BCL2L11: variants seen among roughly 807,000 people sequenced by gnomAD.
BCL2L11 encodes the protein BCL2 like 11.
A neutral mutation model predicts 20.6 loss-of-function variants in BCL2L11; 15 were observed. That is an observed-to-expected ratio of 0.73 (90% CI 0.49 to 1.12). BCL2L11 has a LOEUF of 1.12. Ranked by LOEUF, BCL2L11 falls within the 50% of genes most tolerant of loss-of-function variation. The pLI, the probability that BCL2L11 is intolerant of heterozygous loss-of-function variation, is 0.00. For synonymous variants in BCL2L11, 108 were observed against 92.8 expected (o/e 1.16, Z -0.94); for missense variants, 292 against 260.9 (o/e 1.12, Z -0.82).
At chr2:111,130,351 G>T in intron 2 of BCL2L11, 1 of 228,888 alleles carries the variant, frequency 4.4e-6, no homozygotes, top group Non-Finnish European at 9.0e-6. Context: ...TGATCTGCCC[G>T]CCTTGGCCTC....
At chr2:111,148,014 T>TAA (rs2076787087) in intron 2 of BCL2L11, among the ~76,000 whole-genome samples, 2 of 152,350 alleles carry the variant, frequency 1.3e-5, no homozygotes, top group African/African-American at 4.8e-5. Flanking sequence ...ATATCATTGA[T>TAA]GTATTAAGTA....
chr2:111,123,765 A>G lies in BCL2L11; in HGVS notation c.20A>G (p.Asp7Gly). MAKQPS[D>G]VSSECDREGR... is the part of the protein sequence containing the mutation. The stretch of plus-strand genomic sequence containing the variant: ...GACCAAATGGCAAAGCAACCTTCTG[A>G]TGTAAGTTCTGAGTGTGACCGAGAA... Residue 7 changes from aspartate (D) to glycine (G), a missense_variant, in exon 2 of 4, where the codon GAT (aspartate) becomes GGT (glycine). Transcript: ENST00000393256. The G allele has an allele frequency of 7.2e-7, 1 of 1,393,812 alleles. No homozygotes were observed. Among genetic ancestry groups the G allele is most frequent in the Non-Finnish European group, 9.4e-7 (1 of 1,066,838 alleles). 86.3% of individuals were successfully genotyped at this position (1,393,812 alleles called of 1,614,324 possible).
chr2:111,154,027 A>G, intron 3 of BCL2L11: 6 of 1,111,844 alleles, frequency 5.4e-6, no homozygotes, highest in Non-Finnish European at 5.8e-6. Flanking sequence ...ACTCCAGTGG[A>G]TTTTGGTAAC....
chr2:111,127,567 C>T (rs1225542128), intron 2 of BCL2L11, among the ~76,000 whole-genome samples: 1 of 151,966 alleles, frequency 6.6e-6, no homozygotes, highest in Non-Finnish European at 1.5e-5. Flanking sequence ...AGGAGAAGCC[C>T]AGGAGATGTT....
chr2:111,131,978 A>C (rs2074040384), intron 2 of BCL2L11: 1 of 152,182 alleles, frequency 6.6e-6, no homozygotes, highest in Non-Finnish European at 1.5e-5. Flanking sequence ...CATTCGCAAA[A>C]CCAGGGTTAA....
chr2:111,150,684 C>T (rs1375479552), intron 3 of BCL2L11, among the ~76,000 whole-genome samples: 1 of 152,154 alleles, frequency 6.6e-6, no homozygotes, highest in Admixed American at 6.5e-5. Flanking sequence ...ATTAGGAGGC[C>T]GCTAATCAAT....
At chr2:111,155,537 C>T (rs767576919) in intron 3 of BCL2L11, among the ~76,000 whole-genome samples, 3 of 152,146 alleles carry the variant, frequency 2.0e-5, no homozygotes, top group Admixed American at 6.6e-5. Context: ...AATAACTGGA[C>T]CCATTCTGCA....
intron 2 of BCL2L11, among the ~76,000 whole-genome samples, chr2:111,139,593 A>G (rs532448530): frequency 1.2e-4 from 18 of 152,348 alleles, no homozygotes; most frequent in Admixed American, 4.6e-4. Context: ...GGCCATTGAT[A>G]ATCAAAATTT....
At chr2:111,131,831 A>T (rs1161265961) in intron 2 of BCL2L11, 3 of 152,198 alleles carry the variant, frequency 2.0e-5, no homozygotes, top group Non-Finnish European at 2.9e-5. Context: ...AAGTGTATAT[A>T]TGCTTCAGAA....
intron 2 of BCL2L11, among the ~76,000 whole-genome samples, chr2:111,146,980 CT>C (rs975881914): frequency 3.9e-5 from 6 of 152,146 alleles, no homozygotes; most frequent in Admixed American, 3.9e-4. Flanking sequence ...AAAAAACAAA[CT>C]GGTTTTTAAA....
intron 2 of BCL2L11, among the ~76,000 whole-genome samples, chr2:111,143,067 GTCT>G (rs2150420305): frequency 6.6e-6 from 1 of 152,258 alleles, no homozygotes; most frequent in South Asian, 2.1e-4. Context: ...TTCAGGGTTG[GTCT>G]TCTTTTAGCT....
At chr2:111,129,444 A>T (rs1389257832) in intron 2 of BCL2L11, among the ~76,000 whole-genome samples, 2 of 152,118 alleles carry the variant, frequency 1.3e-5, no homozygotes, top group African/African-American at 2.4e-5. Flanking sequence ...TCTTAAAAAA[A>T]TTTTTTTTCA....
chr2:111,168,217 C>T lies in BCL2L11; in HGVS notation c.*3986C>T, dbSNP rs2150628468. 6.5e-6 allele frequency: 1 copy of T among 152,750 alleles called. No homozygotes were observed. The highest frequency in any genetic ancestry group is 1.9e-4 in the East Asian group (1 of 5,182). 9.5% of individuals were successfully genotyped at this position (152,750 alleles called of 1,614,324 possible). The stretch of plus-strand genomic sequence containing the variant: ...TGTATCAGAACTCATCAGGTACCCA[C>T]TTATAAATAGCACTGATCTGGCTGT... On this transcript the variant is annotated 3_prime_UTR_variant, in exon 4 of 4. Coordinates refer to ENST00000393256, the MANE Select transcript of BCL2L11 (RefSeq NM_138621.5).
At chr2:111,162,179 T>G (rs1438149470) in intron 3 of BCL2L11, among the ~76,000 whole-genome samples, 1 of 152,178 alleles carries the variant, frequency 6.6e-6, no homozygotes, top group African/African-American at 2.4e-5. Flanking sequence ...TGTCAAATGC[T>G]TTCTGGGCTG....
At chr2:111,131,625 C>A (rs1227845686) in intron 2 of BCL2L11, 2 of 152,138 alleles carry the variant, frequency 1.3e-5, no homozygotes, top group South Asian at 2.1e-4. Flanking sequence ...GTGCTAGGTT[C>A]TTTTCCTAGT....
intron 3 of BCL2L11, chr2:111,151,919 T>C: frequency 6.7e-7 from 1 of 1,501,848 alleles, no homozygotes; most frequent in Middle Eastern, 1.7e-4. Context: ...CTTTGGTTGG[T>C]TTTATAACTT....
intron 1 of BCL2L11, chr2:111,122,527 G>C (rs2071292625): frequency 1.2e-6 from 1 of 846,220 alleles, no homozygotes; most frequent in Non-Finnish European, 1.4e-6. Context: ...CCGATTGGCT[G>C]CGGCGCGGAG....
intron 3 of BCL2L11, among the ~76,000 whole-genome samples, chr2:111,161,735 CT>C (rs1388110781): frequency 6.6e-6 from 1 of 152,218 alleles, no homozygotes; most frequent in East Asian, 1.9e-4. Flanking sequence ...CCAGAAGCCA[CT>C]GGGTGTGCCC....
rs568029820 is a variant in BCL2L11 at position 111,165,920 on chromosome 2, G to A, written c.*1689G>A. ...TCTTCATAATTTAAAAAATATATATGTATATATTGCATATTCACTTTTTCC... is the reference window on the plus strand; with the variant it reads ...TCTTCATAATTTAAAAAATATATATATATATATTGCATATTCACTTTTTCC... On this transcript the variant is annotated 3_prime_UTR_variant, in exon 4 of 4. Coordinates refer to ENST00000393256, the MANE Select transcript of BCL2L11 (RefSeq NM_138621.5). 1.3e-5 allele frequency: 2 copies of A among 152,192 alleles called. No individual in the cohort carries two copies. The highest frequency in any genetic ancestry group is 3.9e-4 in the East Asian group (2 of 5,186). 9.4% of individuals were successfully genotyped at this position (152,192 alleles called of 1,614,324 possible).
Sources: allele counts gnomAD v4.1 joint callset (sites outside exome capture counted in the v4.1 genomes callset), GRCh38; gene constraint gnomAD v4.1.1; transcripts MANE v1.5; gene names NCBI Gene and HGNC (gene_info 2026-07-23, HGNC 2026-07-21).